CELF2: variants seen among roughly 807,000 people sequenced by gnomAD.
The protein encoded by CELF2 is CUG triplet repeat RNA-binding protein 2.
In CELF2, 8 loss-of-function variants were observed where a neutral mutation model predicts 62.6. The observed-to-expected ratio is 0.13, with a 90% CI of 0.07 to 0.23. CELF2 has a LOEUF of 0.23. Ranked by LOEUF, CELF2 falls within the 10% of genes least tolerant of loss-of-function variation. The probability of loss-of-function intolerance (pLI) is 1.00; values close to 1 mark genes in which losing one functional copy is unlikely to be tolerated. For synonymous variants in CELF2, 258 were observed against 250.0 expected (o/e 1.03, Z -0.30); for missense variants, 333 against 671.0 (o/e 0.50, Z 5.56).
the CELF2 span, among the ~76,000 whole-genome samples, chr10:10,529,583 C>G: frequency 1.4e-5 from 2 of 148,086 alleles, no homozygotes; most frequent in East Asian, 4.0e-4. Flanking sequence ...ACTCAGGAGG[C>G]TGAGGCAGGA....
At chr10:10,582,199 A>G in the CELF2 span, among the ~76,000 whole-genome samples, 1 of 152,144 alleles carries the variant, frequency 6.6e-6, no homozygotes, top group Non-Finnish European at 1.5e-5. Context: ...ACTGGCCCGC[A>G]CTTGTGAATC....
intron 12 of CELF2, among the ~76,000 whole-genome samples, chr10:11,327,039 G>A (rs754957035): frequency 1.3e-5 from 2 of 152,164 alleles, no homozygotes; most frequent in African/African-American, 4.8e-5. Context: ...AGGTCTGAAG[G>A]CATGGTTAAA....
the CELF2 span, among the ~76,000 whole-genome samples, chr10:10,528,013 C>T: frequency 6.6e-6 from 1 of 152,194 alleles, no homozygotes; most frequent in African/African-American, 2.4e-5. Context: ...CCCAAGATCA[C>T]ACAGTTAAAT....
At chr10:10,566,887 C>A in the CELF2 span, among the ~76,000 whole-genome samples, 1 of 152,138 alleles carries the variant, frequency 6.6e-6, no homozygotes, top group African/African-American at 2.4e-5. Context: ...TTCCACCGAT[C>A]TCTACTTAAA....
In CELF2 at chr10:11,270,959, A is replaced by G; in HGVS notation, c.777+135A>G. On this transcript the variant is annotated intron_variant, in intron 7 of 12. Transcript: ENST00000633077. This position sits in a 1 kb window ranked among gnomAD's most constrained non-coding sequence, Gnocchi z 5.8. Reference sequence around the variant, plus strand: ...GAATTATTGAAATCAGCATTTATGCAGGATATTTTTCCAAGTTAGATTGAT... The same window carrying G: ...GAATTATTGAAATCAGCATTTATGCGGGATATTTTTCCAAGTTAGATTGAT... 2 of 875,804 alleles carry G rather than the reference A, an allele frequency of 2.3e-6. No homozygotes were observed. The highest frequency in any genetic ancestry group is 3.1e-6 in the Non-Finnish European group (2 of 642,180). The allele number at this position is 875,804 out of a possible 1,614,324, so 54.3% of individuals were successfully genotyped here.
chr10:10,538,053 A>G, the CELF2 span, among the ~76,000 whole-genome samples: 1 of 152,134 alleles, frequency 6.6e-6, no homozygotes, highest in South Asian at 2.1e-4. Flanking sequence ...CCCAAAGCAC[A>G]AGCCCTAGAG....
chr10:11,152,671 G>T (rs1399115834), intron 1 of CELF2, among the ~76,000 whole-genome samples: 1 of 152,148 alleles, frequency 6.6e-6, no homozygotes, highest in African/African-American at 2.4e-5. Context: ...TTTTCCTTCA[G>T]TTACTTTCTG....
chr10:10,772,655 A>G, the CELF2 span, among the ~76,000 whole-genome samples: 2 of 152,222 alleles, frequency 1.3e-5, no homozygotes, highest in African/African-American at 4.8e-5. Context: ...CAAAAGCTGT[A>G]GGTTCACCAT....
the CELF2 span, among the ~76,000 whole-genome samples, chr10:10,536,213 T>G: frequency 6.6e-6 from 1 of 151,914 alleles, no homozygotes; most frequent in Non-Finnish European, 1.5e-5. Context: ...AGAGATGGGG[T>G]TTCATCATGT....
At chr10:10,691,405 A>C in the CELF2 span, among the ~76,000 whole-genome samples, 1,198 of 146,222 alleles carry the variant, frequency 8.2e-3, 18 homozygotes, top group African/African-American at 0.029. Flanking sequence ...CCAGTCTATC[A>C]TTGTTGGACA....
intron 1 of CELF2, among the ~76,000 whole-genome samples, chr10:11,077,562 A>G (rs2072447888): frequency 6.6e-6 from 1 of 152,202 alleles, no homozygotes; most frequent in Non-Finnish European, 1.5e-5. Flanking sequence ...GTCTTCTGGA[A>G]AATGATGCAA....
chr10:11,082,372 A>G (rs1465978078), intron 1 of CELF2, among the ~76,000 whole-genome samples: 1 of 152,076 alleles, frequency 6.6e-6, no homozygotes, highest in South Asian at 2.1e-4. Context: ...TCTATCTCCA[A>G]ACTCTCTTCC....
the CELF2 span, among the ~76,000 whole-genome samples, chr10:10,645,660 A>T: frequency 6.6e-6 from 1 of 152,324 alleles, no homozygotes; most frequent in African/African-American, 2.4e-5. Context: ...TCTCAAAAAA[A>T]TAAAAAATAA....
the CELF2 span, among the ~76,000 whole-genome samples, chr10:10,677,523 C>T: frequency 6.6e-6 from 1 of 152,312 alleles, no homozygotes; most frequent in East Asian, 1.9e-4. Context: ...GGCCCCAATA[C>T]TGAATATTGA....
the CELF2 span, among the ~76,000 whole-genome samples, chr10:10,570,594 T>C: frequency 6.6e-6 from 1 of 152,114 alleles, no homozygotes. Context: ...TAATTAAAAC[T>C]AAATTACTAA....
the CELF2 span, among the ~76,000 whole-genome samples, chr10:10,688,635 G>A: frequency 1.3e-5 from 2 of 152,142 alleles, no homozygotes; most frequent in African/African-American, 4.8e-5. Context: ...ACAGTATTTA[G>A]CATCCCTAAG....
the CELF2 span, among the ~76,000 whole-genome samples, chr10:10,605,042 C>T: frequency 6.6e-6 from 1 of 152,232 alleles, no homozygotes; most frequent in South Asian, 2.1e-4. Context: ...CAACGATAGA[C>T]TGGATAAAGA....
At chr10:10,764,994 G>A in the CELF2 span, among the ~76,000 whole-genome samples, 1 of 152,158 alleles carries the variant, frequency 6.6e-6, no homozygotes, top group Non-Finnish European at 1.5e-5. Context: ...CGGGATTAAG[G>A]GAAAACAGGA....
chr10:11,189,332 T>C, intron 2 of CELF2, among the ~76,000 whole-genome samples: 1 of 152,356 alleles, frequency 6.6e-6, no homozygotes, highest in South Asian at 2.1e-4. Flanking sequence ...TATGTATCTT[T>C]CTATTTAAAG....
Sources: allele counts gnomAD v4.1 joint callset (sites outside exome capture counted in the v4.1 genomes callset), GRCh38; gene constraint gnomAD v4.1.1; non-coding constraint Gnocchi (gnomAD v3.1); transcripts MANE v1.5; gene names NCBI Gene and HGNC (gene_info 2026-07-23, HGNC 2026-07-21).